The following LDB2 variants were observed in gnomAD, a reference collection of about 807,000 sequenced individuals.
LDB2 encodes the protein LIM domain binding 2.
LDB2 carries 12 observed loss-of-function variants against 44.3 expected under a neutral mutation model. That is an observed-to-expected ratio of 0.27 (90% CI 0.17 to 0.44). LDB2 has a LOEUF of 0.44. Ranked by LOEUF, LDB2 falls within the 20% of genes least tolerant of loss-of-function variation. The pLI is 1.00. For synonymous variants in LDB2, 164 were observed against 174.8 expected, an observed-to-expected ratio of 0.94 and a Z score of 0.49; for missense variants, 344 against 473.5, an observed-to-expected ratio of 0.73 and a Z score of 2.54.
rs867002027 is a variant in LDB2 at position 16,592,491 on chromosome 4, T to C, written c.408+3212A>G. Among the ~76,000 whole-genome samples, 52 of 96,578 alleles carry C rather than the reference T, an allele frequency of 5.4e-4. 1 individual carries two copies. In the East Asian group the frequency reaches 6.6e-3, roughly 12 times the overall value. 63.4% of individuals were successfully genotyped at this position (96,578 alleles called of 152,430 possible). The stretch of plus-strand genomic sequence containing the variant: ...ATATATATATATATATATATATATA[T>C]ATATATATATATATACACACACACA... On this transcript the variant is annotated intron_variant, in intron 3 of 7. Coordinates refer to ENST00000304523, the MANE Select transcript of LDB2 (RefSeq NM_001290.5).
intron 2 of LDB2, among the ~76,000 whole-genome samples, chr4:16,637,299 A>ATTTTTGTTT (rs1733861642): frequency 1.2e-5 from 1 of 85,482 alleles, no homozygotes; most frequent in Non-Finnish European, 2.0e-5. Flanking sequence ...GCCTAGGCTG[A>ATTTTTGTTT]TTTTTTTTTT....
chr4:16,895,917 A>C (rs1017111384), intron 1 of LDB2, among the ~76,000 whole-genome samples: 4 of 152,146 alleles, frequency 2.6e-5, no homozygotes, highest in African/African-American at 7.2e-5. Context: ...TTTGATGTAA[A>C]TATTTAAATA....
chr4:16,804,252 A>AC (rs1778373955), intron 1 of LDB2, among the ~76,000 whole-genome samples: 1 of 152,190 alleles, frequency 6.6e-6, no homozygotes, highest in South Asian at 2.1e-4. Flanking sequence ...GGCTAGGTAC[A>AC]TATTTTTATA....
At position 16,602,663 on chromosome 4, in the gene LDB2, TTTGATCCTC is replaced by T. The variant is rs1439806902; in HGVS notation, c.236-6797_236-6789del. Among the ~76,000 whole-genome samples, 18 of 152,278 alleles carry T rather than the reference TTTGATCCTC, an allele frequency of 1.2e-4. No individual in the cohort carries two copies. In the South Asian group the frequency reaches 3.7e-3, roughly 32 times the overall value. ...ATGGTCTCAAAACACCATGAAAATT[TTTGATCCTC>T]TTATAAATAGGCATTTTTTCTTCCA... On this transcript the variant is annotated intron_variant, in intron 2 of 7. Transcript: ENST00000304523.
At chr4:16,808,904 G>A (rs1779272168) in intron 1 of LDB2, among the ~76,000 whole-genome samples, 1 of 152,112 alleles carries the variant, frequency 6.6e-6, no homozygotes, top group Admixed American at 6.5e-5. Context: ...GCATGAATGG[G>A]ATTGTCACTG....
At chr4:16,578,490 A>G (rs1221878831) in intron 5 of LDB2, among the ~76,000 whole-genome samples, 1 of 152,246 alleles carries the variant, frequency 6.6e-6, no homozygotes, top group African/African-American at 2.4e-5. Context: ...AATGCAAATC[A>G]AAACTATAAT....
At chr4:16,525,669 A>G (rs2152287484) in intron 5 of LDB2, among the ~76,000 whole-genome samples, 1 of 152,290 alleles carries the variant, frequency 6.6e-6, no homozygotes, top group Non-Finnish European at 1.5e-5. Flanking sequence ...AAAGAAAATC[A>G]CTGCTCTTAA....
chr4:16,897,909 T>C (rs1447958419), intron 1 of LDB2, among the ~76,000 whole-genome samples: 4 of 14,846 alleles, frequency 2.7e-4, no homozygotes, highest in African/African-American at 7.2e-4. Flanking sequence ...TATATATATA[T>C]ATATATATAT....
chr4:16,645,112 G>A (rs1165743006), intron 2 of LDB2, among the ~76,000 whole-genome samples: 1 of 152,260 alleles, frequency 6.6e-6, no homozygotes, highest in African/African-American at 2.4e-5. Flanking sequence ...AGGCAAATAA[G>A]TGCATTGATA....
intron 2 of LDB2, among the ~76,000 whole-genome samples, chr4:16,607,816 G>A (rs1437765849): frequency 2.0e-5 from 3 of 152,154 alleles, no homozygotes; most frequent in Non-Finnish European, 1.5e-5. Flanking sequence ...CTTATGAGAT[G>A]TTTGGCAAGT....
At chr4:16,603,978 C>T (rs919171368) in intron 2 of LDB2, among the ~76,000 whole-genome samples, 5 of 152,186 alleles carry the variant, frequency 3.3e-5, no homozygotes, top group Non-Finnish European at 7.4e-5. Flanking sequence ...AAAGAATCCT[C>T]CTGCCTCAGA....
At chr4:16,645,543 C>CAAAAAA (rs34869059) in intron 2 of LDB2, among the ~76,000 whole-genome samples, 6 of 85,486 alleles carry the variant, frequency 7.0e-5, no homozygotes, top group African/African-American at 2.3e-4. Flanking sequence ...GACTCCGTCT[C>CAAAAAA]AAAAAAAAAA....
intron 2 of LDB2, among the ~76,000 whole-genome samples, chr4:16,698,194 TTTTG>T (rs1315504207): frequency 1.6e-4 from 25 of 152,328 alleles, no homozygotes; most frequent in African/African-American, 5.8e-4. Flanking sequence ...CATTTTCCAG[TTTTG>T]TTTTTTATTT....
At chr4:16,816,107 C>T (rs1388510490) in intron 1 of LDB2, among the ~76,000 whole-genome samples, 1 of 152,054 alleles carries the variant, frequency 6.6e-6, no homozygotes, top group Non-Finnish European at 1.5e-5. Context: ...ACTTGAGAGG[C>T]TGAGGCAGCA....
chr4:16,683,546 G>T (rs1748467580), intron 2 of LDB2, among the ~76,000 whole-genome samples: 1 of 152,086 alleles, frequency 6.6e-6, no homozygotes, highest in Admixed American at 6.5e-5. Flanking sequence ...TCATTTTTCA[G>T]GACCAATTAA....
chr4:16,651,852 G>T (rs1449661109), intron 2 of LDB2, among the ~76,000 whole-genome samples: 2 of 152,174 alleles, frequency 1.3e-5, no homozygotes, highest in Non-Finnish European at 2.9e-5. Flanking sequence ...CCAGGTGGGA[G>T]GTGGCGTGCC....
At chr4:16,588,073 C>T (rs916384061) in intron 4 of LDB2, among the ~76,000 whole-genome samples, 3 of 98,636 alleles carry the variant, frequency 3.0e-5, no homozygotes, top group East Asian at 5.9e-4. Flanking sequence ...ATGCCTTTGA[C>T]GACTTCTTAA....
chr4:16,790,098 T>C (rs766643929), intron 1 of LDB2, among the ~76,000 whole-genome samples: 77 of 152,174 alleles, frequency 5.1e-4, no homozygotes, highest in Admixed American at 9.8e-4. Flanking sequence ...AGGTCTACAA[T>C]GAATAACAGT....
At chr4:16,789,118 GTGGCCTGAGAAGA>G in intron 1 of LDB2, among the ~76,000 whole-genome samples, 1 of 152,312 alleles carries the variant, frequency 6.6e-6, no homozygotes, top group East Asian at 1.9e-4. Flanking sequence ...GCGGAAAGAG[GTGGCCTGAGAAGA>G]TGCCAGGAGG....
Sources: allele counts gnomAD v4.1 joint callset (sites outside exome capture counted in the v4.1 genomes callset), GRCh38; gene constraint gnomAD v4.1.1; transcripts MANE v1.5; gene names NCBI Gene and HGNC (gene_info 2026-07-23, HGNC 2026-07-21).